LCLAT1: variants seen among roughly 807,000 people sequenced by gnomAD.
The protein encoded by LCLAT1 is 1-AGP acyltransferase 8.
Under a neutral mutation model 30.7 loss-of-function variants are expected in LCLAT1, and 11 were observed. The ratio of observed to expected loss-of-function variants is 0.36; its 90% CI spans 0.23 to 0.59. The LOEUF (loss-of-function observed/expected upper bound fraction) is 0.59. Among genes scored for constraint, LCLAT1 ranks in the 20% least tolerant of loss-of-function variants. The pLI, the probability that LCLAT1 is intolerant of heterozygous loss-of-function variation, is 0.77. For missense variants in LCLAT1, 402 were observed against 458.6 expected, an observed-to-expected ratio of 0.88 and a Z score of 1.13; for synonymous variants, 155 against 151.3, an observed-to-expected ratio of 1.02 and a Z score of -0.18.
At chr2:30,536,343 G>A (rs947712758) in intron 3 of LCLAT1, among the ~76,000 whole-genome samples, 6 of 152,172 alleles carry the variant, frequency 3.9e-5, no homozygotes, top group Admixed American at 2.0e-4. Context: ...GGCACTTTAT[G>A]GTCAAACTCT....
chr2:30,560,824 C>A (rs1665181694), intron 3 of LCLAT1, among the ~76,000 whole-genome samples: 1 of 152,180 alleles, frequency 6.6e-6, no homozygotes, highest in African/African-American at 2.4e-5. Flanking sequence ...GAGGTGGATT[C>A]TCATGGATAT....
At chr2:30,556,805 G>A (rs1664941265) in intron 3 of LCLAT1, among the ~76,000 whole-genome samples, 1 of 149,122 alleles carries the variant, frequency 6.7e-6, no homozygotes, top group Non-Finnish European at 1.5e-5. Context: ...GAGTGCAGTG[G>A]CACGATCTCG....
intron 5 of LCLAT1, among the ~76,000 whole-genome samples, chr2:30,588,687 G>A (rs768347564): frequency 3.3e-5 from 5 of 151,958 alleles, no homozygotes; most frequent in South Asian, 2.1e-4. Flanking sequence ...TGCAACCTCC[G>A]TCTCCCGGGT....
Position 30,562,301 on chromosome 2 carries a change from G to A in LCLAT1, c.511+9G>A, listed in dbSNP as rs751751102. 2 of 1,584,052 alleles carry A rather than the reference G, an allele frequency of 1.3e-6. No individual in the cohort carries two copies. Among genetic ancestry groups the A allele is most frequent in the South Asian group, 2.3e-5 (2 of 86,620 alleles). On this transcript the variant is annotated intron_variant, in intron 4 of 5. Coordinates refer to ENST00000379509, the MANE Select transcript of LCLAT1 (RefSeq NM_001002257.3). ...AGGGACTGATCTCACAGGTAATGTA[G>A]CCTGGGTTTGGCAAAGTTAGAAATC...
chr2:30,623,186 T>C (rs921963105), intron 5 of LCLAT1, among the ~76,000 whole-genome samples: 14 of 151,482 alleles, frequency 9.2e-5, no homozygotes, highest in Admixed American at 7.2e-4. Context: ...CCCGAGTAGC[T>C]GGGACTACAG....
intron 5 of LCLAT1, among the ~76,000 whole-genome samples, chr2:30,580,023 A>G (rs1666144990): frequency 1.3e-5 from 2 of 152,080 alleles, no homozygotes; most frequent in Admixed American, 1.3e-4. Context: ...AAGTAATTAT[A>G]CCTCATGTTT....
chr2:30,475,400 C>G (rs1445532201), intron 1 of LCLAT1, among the ~76,000 whole-genome samples: 1 of 152,096 alleles, frequency 6.6e-6, no homozygotes, highest in Non-Finnish European at 1.5e-5. Context: ...TAAATGTAAT[C>G]TGGTATTATA....
chr2:30,489,419 C>G (rs984167948), intron 1 of LCLAT1, among the ~76,000 whole-genome samples: 8 of 151,572 alleles, frequency 5.3e-5, no homozygotes, highest in Admixed American at 1.3e-4. Flanking sequence ...GTGGCGCGAT[C>G]TCGGCTCACT....
In LCLAT1 at chr2:30,548,733, C is replaced by CA. The variant is rs138303485; in HGVS notation, c.365-13407dup. Among the ~76,000 whole-genome samples the CA allele has an allele frequency of 9.6e-3, 1,459 of 152,152 alleles. 21 individuals carry two copies. The highest frequency in any genetic ancestry group is 0.033 in the African/African-American group (1,359 of 41,518). On this transcript the variant is annotated intron_variant, in intron 3 of 5. Coordinates refer to ENST00000379509, the MANE Select transcript of LCLAT1 (RefSeq NM_001002257.3). ...ATCTATATAATGTGGATTTTTCCCA[C>CA]AAAAAACTTTACAAGGCAATTTCAA... is the stretch of plus-strand genomic sequence containing the variant.
chr2:30,533,605 A>G (rs1365230911), intron 3 of LCLAT1, among the ~76,000 whole-genome samples: 1 of 152,236 alleles, frequency 6.6e-6, no homozygotes, highest in Non-Finnish European at 1.5e-5. Context: ...GTAACTTTTT[A>G]TTGCAGGTAG....
intron 3 of LCLAT1, among the ~76,000 whole-genome samples, chr2:30,534,941 G>T (rs189509543): frequency 4.5e-4 from 68 of 152,242 alleles, no homozygotes; most frequent in African/African-American, 1.4e-3. Context: ...GATTCTACAT[G>T]AGATATACTA....
At chr2:30,496,501 T>G (rs1284159199) in intron 1 of LCLAT1, among the ~76,000 whole-genome samples, 1 of 152,172 alleles carries the variant, frequency 6.6e-6, no homozygotes, top group Non-Finnish European at 1.5e-5. Context: ...GGCTCAGAGA[T>G]ATCTCCAGTG....
At chr2:30,628,608 A>G (rs1023574922) in intron 5 of LCLAT1, among the ~76,000 whole-genome samples, 1 of 152,178 alleles carries the variant, frequency 6.6e-6, no homozygotes, top group African/African-American at 2.4e-5. Context: ...GGGAAACTAG[A>G]TATCTATATA....
intron 5 of LCLAT1, among the ~76,000 whole-genome samples, chr2:30,614,535 A>G (rs1319640438): frequency 6.6e-6 from 1 of 152,140 alleles, no homozygotes; most frequent in Admixed American, 6.6e-5. Flanking sequence ...CAACTGAAGG[A>G]AAGGCAGTTT....
intron 1 of LCLAT1, among the ~76,000 whole-genome samples, chr2:30,473,502 A>G (rs903073341): frequency 2.0e-5 from 3 of 152,086 alleles, no homozygotes; most frequent in Non-Finnish European, 4.4e-5. Flanking sequence ...TCATCCCTTT[A>G]TTTATTCTAT....
rs114924115 is a variant in LCLAT1, at chr2:30,474,570, G to A, written c.-5+27187G>A. Among the ~76,000 whole-genome samples the A allele has an allele frequency of 2.8e-3, 422 of 152,198 alleles. 1 individual carries two copies. Among genetic ancestry groups the A allele is most frequent in the African/African-American group, 9.3e-3 (387 of 41,526 alleles). ...GAGTACAGTTCTGGATCCTCTTTGA[G>A]CCTGATGAGCTTTTAAAATTGTGCT... On this transcript the variant is annotated intron_variant, in intron 1 of 5. Transcript: ENST00000379509.
At chr2:30,475,294 T>C (rs1682992714) in intron 1 of LCLAT1, among the ~76,000 whole-genome samples, 1 of 152,198 alleles carries the variant, frequency 6.6e-6, no homozygotes, top group African/African-American at 2.4e-5. Context: ...TCATGGTCCC[T>C]TACTAGTCTT....
intron 5 of LCLAT1, among the ~76,000 whole-genome samples, chr2:30,570,542 A>G (rs879224269): frequency 6.6e-6 from 1 of 152,226 alleles, no homozygotes; most frequent in Admixed American, 6.5e-5. Flanking sequence ...TGAAGCAGAA[A>G]TTGAGGTAAA....
intron 1 of LCLAT1, among the ~76,000 whole-genome samples, chr2:30,451,971 C>T (rs1681574959): frequency 6.6e-6 from 1 of 152,174 alleles, no homozygotes; most frequent in Non-Finnish European, 1.5e-5. Context: ...AGACATAAGT[C>T]AGACATAAGA....
Sources: allele counts gnomAD v4.1 joint callset (sites outside exome capture counted in the v4.1 genomes callset), GRCh38; gene constraint gnomAD v4.1.1; transcripts MANE v1.5; gene names NCBI Gene and HGNC (gene_info 2026-07-23, HGNC 2026-07-21).